CORO1C: variants seen among roughly 807,000 people sequenced by gnomAD.
CORO1C encodes the protein coronin 1C.
In CORO1C, 14 loss-of-function variants were observed where a neutral mutation model predicts 51.2. The observed-to-expected ratio is 0.27, with a 90% CI of 0.18 to 0.43. The LOEUF is 0.43. CORO1C is among the 20% of genes least tolerant of loss of function. The probability of loss-of-function intolerance (pLI) is 1.00; values close to 1 mark genes in which losing one functional copy is unlikely to be tolerated. For synonymous variants in CORO1C, 181 were observed against 210.5 expected (o/e 0.86, Z 1.21); for missense variants, 417 against 607.8 (o/e 0.69, Z 3.30).
intron 1 of CORO1C, among the ~76,000 whole-genome samples, chr12:108,722,370 G>A (rs572392232): frequency 2.6e-5 from 4 of 152,050 alleles, no homozygotes; most frequent in Admixed American, 1.3e-4. Context: ...GAGAGATGAA[G>A]GAGGATGAAG....
At chr12:108,717,701 G>A (rs1265453285) in intron 1 of CORO1C, among the ~76,000 whole-genome samples, 1 of 152,190 alleles carries the variant, frequency 6.6e-6, no homozygotes, top group African/African-American at 2.4e-5. Flanking sequence ...CTTTGGTGTG[G>A]AGACTTACTT....
intron 2 of CORO1C, among the ~76,000 whole-genome samples, chr12:108,683,103 A>G (rs1297311670): frequency 1.3e-5 from 2 of 152,222 alleles, no homozygotes; most frequent in Non-Finnish European, 1.5e-5. Flanking sequence ...AAATGAACAG[A>G]GTACATCCAA....
At chr12:108,679,639 C>T (rs2034054012) in intron 2 of CORO1C, among the ~76,000 whole-genome samples, 1 of 152,178 alleles carries the variant, frequency 6.6e-6, no homozygotes, top group Non-Finnish European at 1.5e-5. Flanking sequence ...CTGGAGCAGG[C>T]TTCTTAGCAA....
intron 3 of CORO1C, among the ~76,000 whole-genome samples, chr12:108,669,523 C>T (rs1022461749): frequency 6.6e-5 from 10 of 152,008 alleles, no homozygotes; most frequent in African/African-American, 1.7e-4. Flanking sequence ...TTAAGCGAAG[C>T]GACCTGCAAA....
chr12:108,655,575 T>G (rs1033369101), intron 6 of CORO1C, among the ~76,000 whole-genome samples: 1 of 152,094 alleles, frequency 6.6e-6, no homozygotes, highest in Non-Finnish European at 1.5e-5. Flanking sequence ...GGAGACGGGG[T>G]TTCGCTGTGT....
rs563936864 is a variant in CORO1C at position 108,671,478 on chromosome 12, A to T, written c.318+6794T>A. Among the ~76,000 whole-genome samples the T allele has an allele frequency of 1.1e-3, 162 of 151,870 alleles. 1 individual carries two copies. Among genetic ancestry groups the T allele is most frequent in the Non-Finnish European group, 1.5e-3 (105 of 67,906 alleles). On this transcript the variant is annotated intron_variant, in intron 3 of 10. Transcript: ENST00000261401. Reference sequence around the variant, plus strand: ...GCAAAGGAACAGGAAAAAAAAAATTAAAAACTGTAATGCAAGAAAAAAAAA... The same window carrying T: ...GCAAAGGAACAGGAAAAAAAAAATTTAAAACTGTAATGCAAGAAAAAAAAA...
chr12:108,648,330 T>G (rs1459165436), intron 10 of CORO1C, among the ~76,000 whole-genome samples: 3 of 152,076 alleles, frequency 2.0e-5, no homozygotes, highest in Non-Finnish European at 4.4e-5. Context: ...CACTGAGAGA[T>G]AGGAGGAAAC....
At chr12:108,723,936 C>T (rs2035530736) in intron 1 of CORO1C, among the ~76,000 whole-genome samples, 1 of 152,142 alleles carries the variant, frequency 6.6e-6, no homozygotes, top group East Asian at 1.9e-4. Flanking sequence ...CCACTGCTTA[C>T]TAGTGCTCAG....
chr12:108,688,649 G>A (rs2034386325), intron 2 of CORO1C, among the ~76,000 whole-genome samples: 1 of 152,204 alleles, frequency 6.6e-6, no homozygotes, highest in South Asian at 2.1e-4. Flanking sequence ...GCTCACACCT[G>A]TAATCCCAGC....
intron 1 of CORO1C, among the ~76,000 whole-genome samples, chr12:108,729,263 T>C (rs2035661442): frequency 6.6e-6 from 1 of 152,190 alleles, no homozygotes; most frequent in Admixed American, 6.5e-5. Flanking sequence ...AAAAATGCTA[T>C]TCACTGACAC....
chr12:108,713,713 G>T (rs181274249), intron 1 of CORO1C, among the ~76,000 whole-genome samples: 52 of 152,286 alleles, frequency 3.4e-4, no homozygotes, highest in African/African-American at 1.2e-3. Flanking sequence ...CAGTGACCTT[G>T]AACTACAAAG....
intron 3 of CORO1C, among the ~76,000 whole-genome samples, chr12:108,666,351 A>G (rs1408268491): frequency 6.6e-6 from 1 of 152,226 alleles, no homozygotes; most frequent in Non-Finnish European, 1.5e-5. Flanking sequence ...CTGAAATGAA[A>G]TAAGAAGACA....
At chr12:108,676,106 T>C (rs2033899856) in intron 3 of CORO1C, among the ~76,000 whole-genome samples, 1 of 152,204 alleles carries the variant, frequency 6.6e-6, no homozygotes. Context: ...ATCTAGAGTC[T>C]AGAGGTATAC....
rs1292904743 is a variant in CORO1C at position 108,652,337 on chromosome 12, C to T, written c.936G>A (p.Glu312=). 2 of 1,613,976 alleles carry T rather than the reference C, an allele frequency of 1.2e-6. No individual in the cohort carries two copies. Among genetic ancestry groups the T allele is most frequent in the East Asian group, 4.5e-5 (2 of 44,894 alleles). ...GCATGTAACCCATCCCTCTCTGAGG[C>T]TCCTTGCTGCTGAATGTGTTGAGGT... ...VHYLNTFSSK[E]PQRGMGYMPK... The change falls in exon 8 of 11, where the codon GAG becomes GAA. Residue 312 remains glutamate, a synonymous_variant. Transcript: ENST00000261401.
chr12:108,672,047 G>C (rs2136825216), intron 3 of CORO1C, among the ~76,000 whole-genome samples: 1 of 152,242 alleles, frequency 6.6e-6, no homozygotes, highest in African/African-American at 2.4e-5. Context: ...ACAGGTGTGA[G>C]GCACTGTCCC....
chr12:108,696,711 G>A (rs1423286219), intron 2 of CORO1C, among the ~76,000 whole-genome samples: 1 of 152,218 alleles, frequency 6.6e-6, no homozygotes, highest in Non-Finnish European at 1.5e-5. Context: ...TCCTCTGAAG[G>A]ACTAAAGAAT....
intron 4 of CORO1C, among the ~76,000 whole-genome samples, chr12:108,659,395 CT>C (rs1249887163): frequency 6.6e-6 from 1 of 152,176 alleles, no homozygotes; most frequent in Non-Finnish European, 1.5e-5. Flanking sequence ...TGATTTTCCC[CT>C]GCTATACAAT....
At chr12:108,660,767 T>C (rs1042669092) in intron 4 of CORO1C, among the ~76,000 whole-genome samples, 28 of 152,316 alleles carry the variant, frequency 1.8e-4, no homozygotes, top group Non-Finnish European at 2.4e-4. Flanking sequence ...GGAATTTTTT[T>C]CCTCTCCTTA....
intron 1 of CORO1C, among the ~76,000 whole-genome samples, chr12:108,722,046 T>TA (rs2136888012): frequency 6.6e-6 from 1 of 152,182 alleles, no homozygotes; most frequent in African/African-American, 2.4e-5. Flanking sequence ...CTAGCCTCCT[T>TA]ACGTGGGGTC....
Sources: allele counts gnomAD v4.1 joint callset (sites outside exome capture counted in the v4.1 genomes callset), GRCh38; gene constraint gnomAD v4.1.1; transcripts MANE v1.5; gene names NCBI Gene and HGNC (gene_info 2026-07-23, HGNC 2026-07-21).